SMYD3: variants seen among roughly 807,000 people sequenced by gnomAD.
The protein encoded by SMYD3 is histone-lysine N-methyltransferase SMYD3.
In SMYD3, 36 loss-of-function variants were observed where a neutral mutation model predicts 57.7. That is an observed-to-expected ratio of 0.62 (90% CI 0.48 to 0.82). SMYD3 has a LOEUF of 0.82. Among genes scored for constraint, SMYD3 ranks in the 40% least tolerant of loss-of-function variants. The pLI, the probability that SMYD3 is intolerant of heterozygous loss-of-function variation, is 0.00. For synonymous variants in SMYD3, 211 were observed against 195.0 expected, an observed-to-expected ratio of 1.08 and a Z score of -0.68; for missense variants, 515 against 538.8, an observed-to-expected ratio of 0.96 and a Z score of 0.44.
At chr1:246,235,847 CT>C (rs1260526451) in intron 5 of SMYD3, among the ~76,000 whole-genome samples, 1 of 152,276 alleles carries the variant, frequency 6.6e-6, no homozygotes, top group East Asian at 1.9e-4. Context: ...TGAGTGGCTA[CT>C]GGGCACTTGA....
At chr1:246,100,563 A>G (rs1184420244) in intron 5 of SMYD3, among the ~76,000 whole-genome samples, 8 of 152,320 alleles carry the variant, frequency 5.3e-5, no homozygotes, top group Admixed American at 2.0e-4. Flanking sequence ...CTGGACAAAC[A>G]TGGCTCAAGA....
At chr1:246,362,938 A>G (rs1284407274) in intron 1 of SMYD3, among the ~76,000 whole-genome samples, 8 of 141,002 alleles carry the variant, frequency 5.7e-5, no homozygotes, top group South Asian at 2.3e-4. Context: ...CTGGGATGTG[A>G]GGAGCCCCTC....
rs140325024 is a variant in SMYD3, at chr1:246,377,850, G to T, written c.165-22756C>A. Among the ~76,000 whole-genome samples the T allele has an allele frequency of 7.9e-5, 12 of 152,250 alleles. No homozygotes were observed. In the East Asian group the frequency reaches 2.3e-3, roughly 29 times the overall value. On this transcript the variant is annotated intron_variant, in intron 1 of 11. Coordinates refer to ENST00000490107, the MANE Select transcript of SMYD3 (RefSeq NM_001167740.2). ...AACAATTTTGCATATTGACAAACAG[G>T]TCTCCAAGGCAGCTGGAGGAATTTA...
chr1:246,504,813 C>A (rs1200234560), intron 1 of SMYD3, among the ~76,000 whole-genome samples: 3 of 152,172 alleles, frequency 2.0e-5, no homozygotes, highest in African/African-American at 4.8e-5. Context: ...AAAGACTTCA[C>A]AATGGACAGT....
intron 5 of SMYD3, among the ~76,000 whole-genome samples, chr1:246,078,754 G>C (rs1278936185): frequency 6.6e-6 from 1 of 152,166 alleles, no homozygotes; most frequent in South Asian, 2.1e-4. Flanking sequence ...CTAGCTAAAA[G>C]AGAACAGGAA....
chr1:246,428,786 C>G lies in SMYD3; in HGVS notation c.165-73692G>C, dbSNP rs7555168. 1.2e-3 allele frequency among the ~76,000 whole-genome samples: 172 copies of G among 148,946 alleles called. 1 individual carries two copies. Among genetic ancestry groups the G allele is most frequent in the Middle Eastern group, 3.5e-3 (1 of 288 alleles). ...CCATGCTCTTAACTGCTGATTCAAA[C>G]CCATGCAATCTACACCACAGCCCAT... is the stretch of plus-strand genomic sequence containing the variant. On this transcript the variant is annotated intron_variant, in intron 1 of 11. Coordinates refer to ENST00000490107, the MANE Select transcript of SMYD3 (RefSeq NM_001167740.2).
At chr1:246,021,152 A>G (rs73132358) in intron 5 of SMYD3, among the ~76,000 whole-genome samples, 9,829 of 152,248 alleles carry the variant, frequency 0.065, 854 homozygotes, top group African/African-American at 0.2. Context: ...TATGAAGTGT[A>G]TCTCTCAGTC....
chr1:246,017,541 A>G (rs982383371), intron 5 of SMYD3, among the ~76,000 whole-genome samples: 1 of 152,148 alleles, frequency 6.6e-6, no homozygotes, highest in Non-Finnish European at 1.5e-5. Flanking sequence ...TTTCTTCACG[A>G]ATAGATTGAG....
intron 5 of SMYD3, among the ~76,000 whole-genome samples, chr1:246,026,280 C>CTTTTATATTTG (rs1411295251): frequency 6.6e-6 from 1 of 152,218 alleles, no homozygotes; most frequent in African/African-American, 2.4e-5. Context: ...AGATCAAATA[C>CTTTTATATTTG]TCATTTATAT....
At chr1:245,823,940 G>A (rs991669617) in intron 10 of SMYD3, among the ~76,000 whole-genome samples, 2 of 152,190 alleles carry the variant, frequency 1.3e-5, no homozygotes, top group African/African-American at 4.8e-5. Context: ...TGCTCCCGAA[G>A]GCACCGCACG....
At chr1:245,941,476 A>C (rs975141457) in intron 5 of SMYD3, among the ~76,000 whole-genome samples, 1 of 152,190 alleles carries the variant, frequency 6.6e-6, no homozygotes, top group Non-Finnish European at 1.5e-5. Flanking sequence ...CTCTCAGTGG[A>C]AACCCTACAA....
At chr1:245,893,502 A>G (rs1228650370) in intron 8 of SMYD3, among the ~76,000 whole-genome samples, 3 of 806 alleles carry the variant, frequency 3.7e-3, no homozygotes, top group Non-Finnish European at 0.048. Context: ...ATAGCCATGT[A>G]ATGGAATACT....
chr1:245,817,248 C>T (rs12042756), intron 10 of SMYD3, among the ~76,000 whole-genome samples: 19,875 of 140,458 alleles, frequency 0.14, 1,814 homozygotes, highest in Admixed American at 0.27. Flanking sequence ...CCCTGACCCC[C>T]GAGCAGCCTA....
intron 2 of SMYD3, among the ~76,000 whole-genome samples, chr1:246,343,955 A>C (rs561734589): frequency 6.6e-6 from 1 of 152,326 alleles, no homozygotes; most frequent in Admixed American, 6.5e-5. Context: ...TACATTATTA[A>C]ATTATATTTA....
At chr1:246,099,159 G>T (rs887117164) in intron 5 of SMYD3, among the ~76,000 whole-genome samples, 1 of 152,094 alleles carries the variant, frequency 6.6e-6, no homozygotes, top group East Asian at 1.9e-4. Flanking sequence ...CGGGCCTATC[G>T]GGCAAGTTGT....
At chr1:245,880,120 T>C (rs987084721) in intron 8 of SMYD3, among the ~76,000 whole-genome samples, 1 of 151,114 alleles carries the variant, frequency 6.6e-6, no homozygotes, top group Non-Finnish European at 1.5e-5. Context: ...CTGTACACAC[T>C]AGAGATAGCA....
At chr1:245,767,643 G>C (rs1014322348) in intron 10 of SMYD3, among the ~76,000 whole-genome samples, 6 of 152,192 alleles carry the variant, frequency 3.9e-5, no homozygotes, top group African/African-American at 1.4e-4. Flanking sequence ...TCTGGTGATG[G>C]GATAGGAAGC....
chr1:245,994,253 G>A (rs1044469895), intron 5 of SMYD3, among the ~76,000 whole-genome samples: 1 of 152,184 alleles, frequency 6.6e-6, no homozygotes, highest in African/African-American at 2.4e-5. Flanking sequence ...GTGCTTCATA[G>A]CATACACATT....
chr1:246,035,067 G>A (rs1186019347), intron 5 of SMYD3, among the ~76,000 whole-genome samples: 1 of 152,100 alleles, frequency 6.6e-6, no homozygotes, highest in Non-Finnish European at 1.5e-5. Flanking sequence ...CCTCCCACCT[G>A]ACCCTACCCT....
Sources: gnomAD v4.1 joint callset for allele counts (sites outside exome capture counted in the v4.1 genomes callset) on GRCh38, gnomAD v4.1.1 for gene constraint, MANE v1.5 for transcripts, NCBI Gene and HGNC (gene_info 2026-07-23, HGNC 2026-07-21) for gene names.